LRRC4C: variants seen among roughly 807,000 people sequenced by gnomAD.
The protein encoded by LRRC4C is leucine-rich repeat-containing protein 4C.
In LRRC4C, 5 loss-of-function variants were observed where a neutral mutation model predicts 33.6. The ratio of observed to expected loss-of-function variants is 0.15; its 90% CI spans 0.08 to 0.31. LRRC4C has a LOEUF of 0.31. Among genes scored for constraint, LRRC4C ranks in the 10% least tolerant of loss-of-function variants. The pLI is 1.00. For missense variants in LRRC4C, 560 were observed against 796.7 expected, an observed-to-expected ratio of 0.70 and a Z score of 3.58; for synonymous variants, 329 against 302.0, an observed-to-expected ratio of 1.09 and a Z score of -0.93.
chr11:40,959,266 G>A (rs1029833961), intron 1 of LRRC4C, among the ~76,000 whole-genome samples: 2 of 151,508 alleles, frequency 1.3e-5, no homozygotes, highest in Non-Finnish European at 1.5e-5. Context: ...ATAAAATTGT[G>A]TCTCATAGAA....
chr11:41,100,030 T>A (rs1369089995), intron 1 of LRRC4C, among the ~76,000 whole-genome samples: 1 of 151,944 alleles, frequency 6.6e-6, no homozygotes, highest in Non-Finnish European at 1.5e-5. Context: ...CAAAAATCAC[T>A]AGTATTCCTA....
At chr11:41,189,718 G>C (rs1945861213) in intron 1 of LRRC4C, among the ~76,000 whole-genome samples, 1 of 152,194 alleles carries the variant, frequency 6.6e-6, no homozygotes, top group Non-Finnish European at 1.5e-5. Flanking sequence ...ATTAGAATTA[G>C]TGATATGAGA....
At chr11:40,761,192 T>C (rs939115157) in intron 2 of LRRC4C, among the ~76,000 whole-genome samples, 2 of 152,118 alleles carry the variant, frequency 1.3e-5, no homozygotes, top group Non-Finnish European at 2.9e-5. Flanking sequence ...AACCTTGCTT[T>C]GAATTTTAGG....
chr11:40,260,657 A>T (rs1283588735), intron 4 of LRRC4C, among the ~76,000 whole-genome samples: 1 of 152,172 alleles, frequency 6.6e-6, no homozygotes, highest in Non-Finnish European at 1.5e-5. Flanking sequence ...CTAAGAAAGG[A>T]TGAGGACCAG....
chr11:40,719,853 CA>C (rs1946920507), intron 2 of LRRC4C, among the ~76,000 whole-genome samples: 1 of 152,088 alleles, frequency 6.6e-6, no homozygotes, highest in African/African-American at 2.4e-5. Flanking sequence ...AAATCGGATT[CA>C]AAGTGGCTAG....
intron 1 of LRRC4C, among the ~76,000 whole-genome samples, chr11:41,116,880 T>G (rs1201293849): frequency 6.6e-6 from 1 of 152,160 alleles, no homozygotes; most frequent in Non-Finnish European, 1.5e-5. Flanking sequence ...TATTGTAAAG[T>G]GTGCATAAAT....
At chr11:40,126,671 G>T (rs1206802608) in intron 6 of LRRC4C, among the ~76,000 whole-genome samples, 2 of 152,086 alleles carry the variant, frequency 1.3e-5, no homozygotes, top group African/African-American at 2.4e-5. Context: ...TTTAAGAAGA[G>T]AATTTGGGGA....
chr11:40,349,867 C>T (rs551003448), intron 3 of LRRC4C, among the ~76,000 whole-genome samples: 2 of 151,868 alleles, frequency 1.3e-5, no homozygotes, highest in African/African-American at 2.4e-5. Context: ...CATTTGTATG[C>T]GATTCTGACA....
At chr11:41,059,899 C>G (rs1858939058) in intron 1 of LRRC4C, among the ~76,000 whole-genome samples, 1 of 152,104 alleles carries the variant, frequency 6.6e-6, no homozygotes, top group Admixed American at 6.5e-5. Context: ...GTGGCACGCA[C>G]CTGCAATTCC....
chr11:41,128,187 T>G (rs894455417), intron 1 of LRRC4C, among the ~76,000 whole-genome samples: 7 of 152,114 alleles, frequency 4.6e-5, no homozygotes, highest in African/African-American at 7.2e-5. Context: ...CAATTTGAAT[T>G]TCCCTGGGAC....
chr11:40,155,468 CAAGAA>C (rs1258717198), intron 5 of LRRC4C, among the ~76,000 whole-genome samples: 1 of 151,820 alleles, frequency 6.6e-6, no homozygotes, highest in East Asian at 1.9e-4. Flanking sequence ...CAAGCTTAAC[CAAGAA>C]AAGAAGAGAG....
At chr11:41,192,398 T>C (rs1040984868) in intron 1 of LRRC4C, among the ~76,000 whole-genome samples, 6 of 145,802 alleles carry the variant, frequency 4.1e-5, no homozygotes, top group Non-Finnish European at 7.5e-5. Flanking sequence ...AAGAAGATCA[T>C]ACACACACAC....
At chr11:40,819,289 A>T (rs1951827568) in intron 2 of LRRC4C, among the ~76,000 whole-genome samples, 1 of 152,144 alleles carries the variant, frequency 6.6e-6, no homozygotes, top group South Asian at 2.1e-4. Flanking sequence ...TAGTTCAACA[A>T]TCTGGAAATA....
chr11:40,394,262 G>A (rs1452405225), intron 3 of LRRC4C, among the ~76,000 whole-genome samples: 1 of 151,960 alleles, frequency 6.6e-6, no homozygotes, highest in Non-Finnish European at 1.5e-5. Context: ...GTATGCTAGC[G>A]AAAAAACACA....
intron 2 of LRRC4C, among the ~76,000 whole-genome samples, chr11:40,815,410 G>A (rs984846617): frequency 1.3e-5 from 2 of 152,086 alleles, no homozygotes; most frequent in African/African-American, 4.8e-5. Flanking sequence ...GTGGGCCACA[G>A]CCAAACCATA....
At chr11:40,977,440 G>T (rs1214465477) in intron 1 of LRRC4C, among the ~76,000 whole-genome samples, 1 of 152,046 alleles carries the variant, frequency 6.6e-6, no homozygotes, top group East Asian at 1.9e-4. Context: ...TCTACACTAT[G>T]TATATCAAAG....
intron 1 of LRRC4C, among the ~76,000 whole-genome samples, chr11:41,178,259 T>G (rs966393310): frequency 1.3e-5 from 2 of 152,222 alleles, no homozygotes; most frequent in Non-Finnish European, 2.9e-5. Context: ...CTAAATCCAT[T>G]GTTTCTTAAA....
rs561842674 is a variant in LRRC4C, at chr11:41,223,080, A to C, written c.-496+236351T>G. 3 of 152,228 alleles carry C rather than the reference A, an allele frequency of 2.0e-5. No homozygotes were observed. In the East Asian group the frequency reaches 5.8e-4, roughly 29 times the overall value. The allele number at this position is 152,228 out of a possible 1,614,324, so 9.4% of individuals were successfully genotyped here. ...ACTGGCACAGAGTGAACATTAAAAA[A>C]CGCTAGCTATGATTACAATTTATTA... On this transcript the variant is annotated intron_variant, in intron 1 of 6. Transcript: ENST00000528697.
At chr11:41,444,057 A>T (rs1955741851) in intron 1 of LRRC4C, among the ~76,000 whole-genome samples, 1 of 152,144 alleles carries the variant, frequency 6.6e-6, no homozygotes, top group Non-Finnish European at 1.5e-5. Flanking sequence ...AACACAGGTA[A>T]ATTCCACAGA....
Sources: gnomAD v4.1 joint callset for allele counts (sites outside exome capture counted in the v4.1 genomes callset) on GRCh38, gnomAD v4.1.1 for gene constraint, MANE v1.5 for transcripts, NCBI Gene and HGNC (gene_info 2026-07-23, HGNC 2026-07-21) for gene names.